Variants in CFAP74 observed in about 807,000 individuals in gnomAD.
CFAP74 encodes cilia- and flagella-associated protein 74.
CFAP74 carries 124 observed loss-of-function variants against 188.9 expected under a neutral mutation model. That is an observed-to-expected ratio of 0.66 (90% CI 0.57 to 0.76). The LOEUF (loss-of-function observed/expected upper bound fraction) is 0.76. Among genes scored for constraint, CFAP74 ranks in the 30% least tolerant of loss-of-function variants. CFAP74 has a pLI of 0.00. For synonymous variants in CFAP74, 956 were observed against 916.7 expected (o/e 1.04, Z -0.77); for missense variants, 2,198 against 2,165.2 (o/e 1.02, Z -0.30).
Position 1,926,974 on chromosome 1 carries a change from C to T in CFAP74, c.3582G>A (p.Lys1194=). ...RATLLRAFQA[K]FDTFVVPCVV... ...CACAGGGAACTACAAATGTGTCAAA[C>T]TTCGCCTGGAACGCTCTGAGCAGGG... is the stretch of plus-strand genomic sequence containing the variant. Residue 1194 remains lysine, a synonymous_variant, in exon 29 of 39, where the codon AAG becomes AAA. Coordinates refer to ENST00000682832, the MANE Select transcript of CFAP74 (RefSeq NM_001304360.2). 1.3e-6 allele frequency: 2 copies of T among 1,550,298 alleles called. No individual in the cohort carries two copies. Among genetic ancestry groups the T allele is most frequent in the Admixed American group, 2.0e-5 (1 of 51,008 alleles).
intron 18 of CFAP74, chr1:1,955,007 G>A (rs1016373633): frequency 1.6e-6 from 2 of 1,224,710 alleles, no homozygotes; most frequent in Non-Finnish European, 2.1e-6. Flanking sequence ...ACGCCACGCA[G>A]TGGTGAGGAC....
At chr1:1,939,413 G>A (rs1653200559) in intron 24 of CFAP74, among the ~76,000 whole-genome samples, 181 bp downstream of exon 24, 1 of 152,194 alleles carries the variant, frequency 6.6e-6, no homozygotes, top group Admixed American at 6.5e-5. Flanking sequence ...CAGAAGTTGG[G>A]CTGCACGCCC....
rs1175781776 is a variant in CFAP74, at chr1:1,986,963, G to T, written c.369C>A (p.Ile123=). ...TGTTGCCCGCCTCTTCCTCTGTGGC[G>T]ATCTCGGCTGCCACAGCCTCCTGCT... ...DKQQEAVAAE[I]ATEEEAGNMA... is the part of the protein sequence containing the mutation. The change falls in exon 5 of 39, where the codon ATC becomes ATA. Residue 123 remains isoleucine, a synonymous_variant. Coordinates refer to ENST00000682832, the MANE Select transcript of CFAP74 (RefSeq NM_001304360.2). The T allele has an allele frequency of 1.2e-6, 2 of 1,601,588 alleles. No individual in the cohort carries two copies. Among genetic ancestry groups the T allele is most frequent in the African/African-American group, 2.7e-5 (2 of 74,898 alleles).
chr1:1,943,408 C>T (rs1445059982), intron 21 of CFAP74, among the ~76,000 whole-genome samples: 2 of 152,218 alleles, frequency 1.3e-5, no homozygotes, highest in Non-Finnish European at 2.9e-5. Flanking sequence ...ACAGGCGCCG[C>T]GGGAGCTGTT....
intron 1 of CFAP74, among the ~76,000 whole-genome samples, chr1:2,002,346 T>C (rs1658247967): frequency 6.6e-6 from 1 of 151,420 alleles, no homozygotes; most frequent in South Asian, 2.1e-4. Flanking sequence ...ACACATATTC[T>C]TTAAAATTTT....
In CFAP74 at chr1:1,930,183, G is replaced by A. The variant is rs1283962463; in HGVS notation, c.3165C>T (p.His1055=). The A allele has an allele frequency of 6.5e-7, 1 of 1,535,730 alleles. No homozygotes were observed. The highest frequency in any genetic ancestry group is 2.0e-5 in the Admixed American group (1 of 50,988). ...NSHLSMSSPT[H]SKPRIGSEDA... ...CCTCTGAGCCAATGCGGGGCTTGGA[G>A]TGGGTCGGTGAGCTCATGCTCAGGT... The change falls in exon 26 of 39, where the codon CAC becomes CAT. Residue 1055 remains histidine (H), a synonymous_variant. Transcript: ENST00000682832.
chr1:1,929,200 C>T (rs976338243), intron 26 of CFAP74, among the ~76,000 whole-genome samples: 8 of 149,358 alleles, frequency 5.4e-5, no homozygotes, highest in Admixed American at 2.0e-4. Flanking sequence ...CTGAGCCTGC[C>T]CTTGCCTTGA....
rs959476109 is a variant in CFAP74, at chr1:1,942,581, G to A, written c.2487-425C>T. Among the ~76,000 whole-genome samples the A allele has an allele frequency of 6.6e-6, 1 of 152,094 alleles. No individual in the cohort carries two copies. Among genetic ancestry groups the A allele is most frequent in the Non-Finnish European group, 1.5e-5 (1 of 68,004 alleles). ...GCAGCTCAAGCACAGGGCACGTGGG[G>A]GGCCTGGGACGGCCACAGGCCTCGG... On this transcript the variant is annotated intron_variant, in intron 21 of 38. Coordinates refer to ENST00000682832, the MANE Select transcript of CFAP74 (RefSeq NM_001304360.2). This position sits in a 1 kb window ranked among gnomAD's most constrained non-coding sequence, Gnocchi z 4.3.
At chr1:1,992,840 G>C (rs1307740473) in intron 1 of CFAP74, among the ~76,000 whole-genome samples, 4 of 152,068 alleles carry the variant, frequency 2.6e-5, no homozygotes, top group African/African-American at 9.7e-5. Context: ...GGAATGTTAG[G>C]AGCTTGCTCG....
intron 9 of CFAP74, among the ~76,000 whole-genome samples, chr1:1,971,158 G>C (rs377659473): frequency 7.4e-4 from 98 of 132,238 alleles, no homozygotes; most frequent in African/African-American, 2.2e-3. Flanking sequence ...TGCACACCTG[G>C]ACACACATGC....
In CFAP74 at chr1:1,964,968, C is replaced by A; in HGVS notation, c.1495G>T (p.Val499Leu). ...CCCCACACCACCTGCTTGTGGACCA[C>A]CCTGCTCCGCAGCCGCTCCACCGTG... ...ERTVERLRSR[V>L]VHKQVVWGRE... The change falls in exon 13 of 39, where the codon GTG becomes TTG. Residue 499 changes from valine (V) to leucine (L), a missense_variant. Physicochemically the swap from Val to Leu is conservative, Grantham distance 32 (BLOSUM62 1). Coordinates refer to ENST00000682832, the MANE Select transcript of CFAP74 (RefSeq NM_001304360.2). The A allele has an allele frequency of 6.2e-7, 1 of 1,613,968 alleles. No individual in the cohort carries two copies. The highest frequency in any genetic ancestry group is 8.5e-7 in the Non-Finnish European group (1 of 1,179,942).
At chr1:1,980,711 C>G (rs979717264) in intron 6 of CFAP74, among the ~76,000 whole-genome samples, 1 of 152,222 alleles carries the variant, frequency 6.6e-6, no homozygotes, top group African/African-American at 2.4e-5. Context: ...GAGACACATG[C>G]AGCATCCCGT....
chr1:1,958,018 C>CA (rs775915838), intron 16 of CFAP74, among the ~76,000 whole-genome samples: 2 of 152,018 alleles, frequency 1.3e-5, no homozygotes, highest in South Asian at 2.1e-4. Context: ...ACCAAATACT[C>CA]AAACACTGGT....
chr1:1,972,300 G>A (rs894654576), intron 8 of CFAP74, among the ~76,000 whole-genome samples: 1 of 152,216 alleles, frequency 6.6e-6, no homozygotes, highest in Non-Finnish European at 1.5e-5. Flanking sequence ...TTAATTACAG[G>A]AGCCTCGGTG....
chr1:1,996,138 C>A (rs1657903354), intron 1 of CFAP74, among the ~76,000 whole-genome samples: 1 of 151,998 alleles, frequency 6.6e-6, no homozygotes, highest in Admixed American at 6.6e-5. Flanking sequence ...GCACAGGCCA[C>A]CACGCCTGGC....
intron 17 of CFAP74, 146 bp from the exon 18 acceptor site, chr1:1,955,996 C>G (rs1654595091): frequency 7.2e-7 from 1 of 1,386,446 alleles, no homozygotes; most frequent in East Asian, 2.5e-5. Context: ...CGGCTGCCTG[C>G]TCTCGTCTCA....
In CFAP74 at chr1:1,946,510, A is replaced by G. The variant is rs1653787669; in HGVS notation, c.2242-71T>C. 4 of 1,450,508 alleles carry G rather than the reference A, an allele frequency of 2.8e-6. No individual in the cohort carries two copies. In the East Asian group the frequency reaches 1.0e-4, roughly 36 times the overall value. The allele number at this position is 1,450,508 out of a possible 1,614,324, so 89.9% of individuals were successfully genotyped here. The stretch of plus-strand genomic sequence containing the variant: ...TTAAGATCCCTTCCCAACCCTCACA[A>G]TGGCATGTTGCTGCAAGGATGGAAG... On this transcript the variant is annotated intron_variant, in intron 19 of 38. Transcript: ENST00000682832.
In CFAP74 at chr1:1,926,485, A is replaced by G. The variant is rs1651908766; in HGVS notation, c.3800T>C (p.Ile1267Thr). 1.3e-6 allele frequency: 2 copies of G among 1,550,094 alleles called. No individual in the cohort carries two copies. Among genetic ancestry groups the G allele is most frequent in the Middle Eastern group, 1.7e-4 (1 of 5,990 alleles). ...CAGATCCTCGGGAGAGACGTTCTGG[A>G]TGGAGATCTTCTTGATACTGCGGTG... ...VGHRSIKKIS[I>T]QNVSPEDLAL... Residue 1267 changes from isoleucine (I) to threonine (T), a missense_variant, in exon 31 of 39, where the codon ATC becomes ACC. Ile to Thr is a moderately conservative substitution (Grantham distance 89). Transcript: ENST00000682832.
chr1:1,971,173 CTGCACACACG>C (rs1420433537), intron 9 of CFAP74, among the ~76,000 whole-genome samples: 2 of 149,038 alleles, frequency 1.3e-5, no homozygotes, highest in Non-Finnish European at 3.0e-5. Flanking sequence ...ACATGCACAC[CTGCACACACG>C]TGCACAGACG....
Sources: allele counts gnomAD v4.1 joint callset (sites outside exome capture counted in the v4.1 genomes callset), GRCh38; gene constraint gnomAD v4.1.1; non-coding constraint Gnocchi (gnomAD v3.1); transcripts MANE v1.5; gene names NCBI Gene and HGNC (gene_info 2026-07-23, HGNC 2026-07-21).